Variants in ATP10A observed in about 807,000 individuals in gnomAD.
ATP10A encodes the protein phospholipid-transporting ATPase VA.
A neutral mutation model predicts 147.8 loss-of-function variants in ATP10A; 111 were observed. The ratio of observed to expected loss-of-function variants is 0.75; its 90% CI spans 0.64 to 0.88. The LOEUF is 0.88. Ranked by LOEUF, ATP10A falls within the 40% of genes least tolerant of loss-of-function variation. ATP10A has a pLI of 0.00. For missense variants in ATP10A, 1,927 were observed against 1,959.0 expected, an observed-to-expected ratio of 0.98 and a Z score of 0.31; for synonymous variants, 875 against 841.6, an observed-to-expected ratio of 1.04 and a Z score of -0.69.
chr15:25,810,788 G>C (rs1038699096), intron 1 of ATP10A, among the ~76,000 whole-genome samples: 2 of 152,098 alleles, frequency 1.3e-5, no homozygotes, highest in African/African-American at 4.8e-5. Flanking sequence ...ACGAGGAATC[G>C]AGGTGGTTAG....
In ATP10A at chr15:25,687,741, G is replaced by C. The variant is rs774422697; in HGVS notation, c.3253C>G (p.Leu1085Val). 8 of 1,611,114 alleles carry C rather than the reference G, an allele frequency of 5.0e-6. No individual in the cohort carries two copies. The South Asian group carries it at 8.8e-5, about 18-fold the overall frequency. Residue 1085 changes from leucine to valine, a missense_variant, in exon 16 of 21, where the codon CTT (leucine) becomes GTT (valine). Coordinates refer to ENST00000555815, the MANE Select transcript of ATP10A (RefSeq NM_024490.4). The part of the protein sequence containing the change: ...ILHGHWCYSR[L>V]ANMVLYFFYK... ...AAGAAGTACAGCACCATGTTGGCAA[G>C]TCGGGAGTAGCACCAATGCCCGTGA...
intron 2 of ATP10A, among the ~76,000 whole-genome samples, chr15:25,757,815 A>G (rs1238702330): frequency 6.7e-6 from 1 of 149,696 alleles, no homozygotes; most frequent in Non-Finnish European, 1.5e-5. Flanking sequence ...ACCTTTTTTG[A>G]TCACCTGCTC....
At chr15:25,840,089 C>T (rs1308486131) in intron 1 of ATP10A, among the ~76,000 whole-genome samples, 1 of 152,150 alleles carries the variant, frequency 6.6e-6, no homozygotes, top group Non-Finnish European at 1.5e-5. Flanking sequence ...ACTAACTTGT[C>T]CCTCATCCCC....
chr15:25,733,274 C>G (rs1478578754), intron 3 of ATP10A, among the ~76,000 whole-genome samples: 1 of 152,126 alleles, frequency 6.6e-6, no homozygotes. Context: ...GCCTAGACAG[C>G]AGATCTACCT....
At position 25,862,854 on chromosome 15, in the gene ATP10A, C is replaced by T; in HGVS notation, c.243G>A (p.Glu81=). ...ACACGTTGGCCGGGCGGTGGAACTGCTCGAACAGGTTCTTGGGCAGGAAGG... is the reference window on the plus strand; with the variant it reads ...ACACGTTGGCCGGGCGGTGGAACTGTTCGAACAGGTTCTTGGGCAGGAAGG... The part of the protein sequence containing the change: ...LLSFLPKNLF[E]QFHRPANVYF... The change falls in exon 1 of 21, where the codon GAG becomes GAA. Residue 81 remains glutamate (E), a synonymous_variant. Coordinates refer to ENST00000555815, the MANE Select transcript of ATP10A (RefSeq NM_024490.4). 6.2e-7 allele frequency: 1 copy of T among 1,610,768 alleles called. No individual in the cohort carries two copies. Among genetic ancestry groups the T allele is most frequent in the South Asian group, 1.1e-5 (1 of 90,342 alleles).
chr15:25,755,919 C>T (rs919367330), intron 2 of ATP10A, among the ~76,000 whole-genome samples: 1 of 152,210 alleles, frequency 6.6e-6, no homozygotes, highest in Non-Finnish European at 1.5e-5. Context: ...GTAAGCGTGT[C>T]TCCTTCTCTG....
At chr15:25,680,024 T>C (rs1288748700) in intron 20 of ATP10A, 50 bp from the exon 21 acceptor site, 3 of 1,579,872 alleles carry the variant, frequency 1.9e-6, no homozygotes, top group Non-Finnish European at 2.6e-6. Flanking sequence ...GTCGGTGGTG[T>C]CTTTGAGCTT....
At chr15:25,701,868 A>G (rs772066056) in intron 13 of ATP10A, 48 bp downstream of exon 13, 27 of 1,514,332 alleles carry the variant, frequency 1.8e-5, no homozygotes, top group Non-Finnish European at 2.3e-5. Context: ...CACGATAAAC[A>G]TGGACCACCC....
chr15:25,774,400 C>T (rs1889500610), intron 2 of ATP10A, among the ~76,000 whole-genome samples: 2 of 152,080 alleles, frequency 1.3e-5, no homozygotes, highest in African/African-American at 2.4e-5. Context: ...GACGGAGAAA[C>T]CCCGTCTCTA....
Position 25,732,638 on chromosome 15 carries a change from C to A in ATP10A, c.740+3418G>T, listed in dbSNP as rs1887010218. 3.1e-4 allele frequency among the ~76,000 whole-genome samples: 3 copies of A among 9,654 alleles called. No individual in the cohort carries two copies. In the Admixed American group the frequency reaches 6.0e-3, roughly 19 times the overall value. The allele number at this position is 9,654 out of a possible 152,430, so 6.3% of individuals were successfully genotyped here. On this transcript the variant is annotated intron_variant, in intron 3 of 20. Coordinates refer to ENST00000555815, the MANE Select transcript of ATP10A (RefSeq NM_024490.4). ...TGGTGTGATTCTGGCTCACTGCAAG[C>A]TCCGCCTCCCGGGTTCACGCCATTC...
At chr15:25,859,146 C>T (rs909256981) in intron 1 of ATP10A, among the ~76,000 whole-genome samples, 31 of 152,188 alleles carry the variant, frequency 2.0e-4, no homozygotes, top group African/African-American at 7.2e-4. Flanking sequence ...GCCACTCTCC[C>T]AGCCTGGGCT....
chr15:25,830,085 G>A (rs1892289707), intron 1 of ATP10A, among the ~76,000 whole-genome samples: 1 of 152,128 alleles, frequency 6.6e-6, no homozygotes, highest in African/African-American at 2.4e-5. Flanking sequence ...GAAGTGCGGT[G>A]GGCAGCCAGG....
At chr15:25,708,469 T>C (rs1356137165) in intron 10 of ATP10A, 169 bp from the exon 11 acceptor site, 3 of 475,608 alleles carry the variant, frequency 6.3e-6, no homozygotes, top group Non-Finnish European at 1.0e-5. Flanking sequence ...AAGAGTCTCA[T>C]CAATATGTTT....
At chr15:25,839,563 C>T (rs1187720614) in intron 1 of ATP10A, among the ~76,000 whole-genome samples, 7 of 152,188 alleles carry the variant, frequency 4.6e-5, no homozygotes, top group African/African-American at 1.2e-4. Context: ...TCCTCTCTCC[C>T]GCTCTGCAGA....
intron 13 of ATP10A, among the ~76,000 whole-genome samples, chr15:25,699,807 G>A (rs930215413): frequency 2.6e-5 from 4 of 152,158 alleles, no homozygotes; most frequent in Non-Finnish European, 4.4e-5. Flanking sequence ...GGTTGAGGCT[G>A]TAATGAGTTG....
At position 25,797,782 on chromosome 15, in the gene ATP10A, G is replaced by A. The variant is rs1414922386; in HGVS notation, c.450-16559C>T. On this transcript the variant is annotated intron_variant, in intron 1 of 20. Coordinates refer to ENST00000555815, the MANE Select transcript of ATP10A (RefSeq NM_024490.4). Reference sequence around the variant, plus strand: ...TCACCAGGAGACTGCCGCCCTGGGGGGTGAGGGTGGGGAGAGAGACCTTCA... The same window carrying A: ...TCACCAGGAGACTGCCGCCCTGGGGAGTGAGGGTGGGGAGAGAGACCTTCA... Among the ~76,000 whole-genome samples, 4 of 152,162 alleles carry A rather than the reference G, an allele frequency of 2.6e-5. No homozygotes were observed. In the East Asian group the frequency reaches 7.8e-4, roughly 30 times the overall value.
intron 12 of ATP10A, among the ~76,000 whole-genome samples, chr15:25,705,428 T>A (rs1356824159): frequency 2.3e-5 from 3 of 131,748 alleles, no homozygotes; most frequent in Non-Finnish European, 4.6e-5. Context: ...AGAGTGAGAC[T>A]CTGTCTCAAA....
chr15:25,772,648 A>G (rs899299471), intron 2 of ATP10A, among the ~76,000 whole-genome samples: 2 of 152,232 alleles, frequency 1.3e-5, no homozygotes, highest in South Asian at 4.1e-4. Context: ...GTTTCTCGCC[A>G]AGGGCTGGTG....
intron 1 of ATP10A, among the ~76,000 whole-genome samples, chr15:25,807,366 C>A (rs529653246): frequency 1.3e-5 from 2 of 152,250 alleles, no homozygotes; most frequent in Admixed American, 6.5e-5. Context: ...CTGTGTCCAG[C>A]CACAGGGGCC....
Sources: gnomAD v4.1 joint callset for allele counts (sites outside exome capture counted in the v4.1 genomes callset) on GRCh38, gnomAD v4.1.1 for gene constraint, MANE v1.5 for transcripts, NCBI Gene and HGNC (gene_info 2026-07-23, HGNC 2026-07-21) for gene names.